STK38: variants seen among roughly 807,000 people sequenced by gnomAD.
STK38 encodes serine/threonine kinase 38.
STK38 carries 26 observed loss-of-function variants against 59.0 expected under a neutral mutation model. The ratio of observed to expected loss-of-function variants is 0.44; its 90% confidence interval spans 0.32 to 0.61. The LOEUF (loss-of-function observed/expected upper bound fraction) is 0.61. STK38 is among the 20% of genes least tolerant of loss of function. STK38 has a pLI of 0.04. For missense variants in STK38, 433 were observed against 566.0 expected, an observed-to-expected ratio of 0.76 and a Z score of 2.38; for synonymous variants, 175 against 176.6, an observed-to-expected ratio of 0.99 and a Z score of 0.07.
intron 1 of STK38, among the ~76,000 whole-genome samples, chr6:36,541,696 TTTTC>T (rs960785485): frequency 4.6e-5 from 7 of 152,184 alleles, no homozygotes; most frequent in Admixed American, 1.3e-4. Context: ...ACGATCTCAA[TTTTC>T]TTTATGTGTT....
chr6:36,531,235 G>A (rs1232937805), intron 2 of STK38, among the ~76,000 whole-genome samples: 1 of 152,150 alleles, frequency 6.6e-6, no homozygotes, highest in East Asian at 1.9e-4. Flanking sequence ...AATCTAAGAG[G>A]AGTTGCAGAA....
chr6:36,527,915 C>A (rs1364180416), intron 2 of STK38, among the ~76,000 whole-genome samples: 1 of 147,426 alleles, frequency 6.8e-6, no homozygotes, highest in Non-Finnish European at 1.5e-5. Context: ...CTGGCTAACA[C>A]AGAGAAACCC....
intron 12 of STK38, among the ~76,000 whole-genome samples, chr6:36,497,056 C>T (rs761833794): frequency 6.6e-6 from 1 of 152,132 alleles, no homozygotes; most frequent in Non-Finnish European, 1.5e-5. Context: ...ATAACTAAAA[C>T]GTGAAGTTAG....
At chr6:36,532,443 G>C (rs1026313627) in intron 2 of STK38, among the ~76,000 whole-genome samples, 5 of 151,782 alleles carry the variant, frequency 3.3e-5, no homozygotes, top group Admixed American at 2.6e-4. Flanking sequence ...TTATTGAGCT[G>C]TATCAGTAAA....
chr6:36,527,207 A>AAAAAAAAAATATATAT (rs60162863), intron 2 of STK38, among the ~76,000 whole-genome samples: 1 of 119,356 alleles, frequency 8.4e-6, no homozygotes, highest in African/African-American at 3.5e-5. Context: ...AAAAAAAAAA[A>AAAAAAAAAATATATAT]ATATATGTAT....
chr6:36,515,095 T>C (rs568061252), intron 7 of STK38, among the ~76,000 whole-genome samples: 1 of 152,030 alleles, frequency 6.6e-6, no homozygotes, highest in African/African-American at 2.4e-5. Flanking sequence ...GCCCTCTACA[T>C]CAATTTTGCT....
chr6:36,527,235 T>A (rs1183782026), intron 2 of STK38, among the ~76,000 whole-genome samples: 1 of 145,166 alleles, frequency 6.9e-6, no homozygotes, highest in South Asian at 2.1e-4. Context: ...TATATTTATA[T>A]GTATATACAC....
Position 36,506,664 on chromosome 6 carries a change from G to A in STK38, c.773-20C>T, listed in dbSNP as rs1776969542. The A allele has an allele frequency of 1.9e-6, 3 of 1,609,574 alleles. No individual in the cohort carries two copies. Among genetic ancestry groups the A allele is most frequent in the Non-Finnish European group, 2.5e-6 (3 of 1,178,738 alleles). ...GGAAAGCTGAAAGTAAAGAATACAA[G>A]CTGCAGTCAAAGTTCAGACCAAAAT... is the stretch of plus-strand genomic sequence containing the variant. On this transcript the variant is annotated intron_variant, in intron 8 of 13. Coordinates refer to ENST00000229812, the MANE Select transcript of STK38 (RefSeq NM_007271.4).
intron 7 of STK38, among the ~76,000 whole-genome samples, chr6:36,513,954 G>A (rs1318217272): frequency 1.3e-5 from 2 of 150,032 alleles, no homozygotes; most frequent in Middle Eastern, 3.2e-3. Context: ...AGGAGATCGA[G>A]ACCATCATGG....
Position 36,531,248 on chromosome 6 carries a change from T to C in STK38, c.132-5606A>G, listed in dbSNP as rs113340914. Among the ~76,000 whole-genome samples, 911 of 152,284 alleles carry C rather than the reference T, an allele frequency of 6.0e-3. 6 individuals carry two copies. Among genetic ancestry groups the C allele is most frequent in the Middle Eastern group, 0.014 (4 of 294 alleles). On this transcript the variant is annotated intron_variant, in intron 2 of 13. Coordinates refer to ENST00000229812, the MANE Select transcript of STK38 (RefSeq NM_007271.4). The stretch of plus-strand genomic sequence containing the variant: ...AAAATCTAAGAGGAGTTGCAGAACA[T>C]AGAAATTCTCAGTAAAATGTATGAA...
chr6:36,521,138 C>T (rs1777366193), intron 5 of STK38, among the ~76,000 whole-genome samples: 1 of 152,044 alleles, frequency 6.6e-6, no homozygotes, highest in South Asian at 2.1e-4. Context: ...GATTTGCAAA[C>T]CAGGTTTTGG....
chr6:36,507,509 T>C lies in STK38; in HGVS notation c.763A>G (p.Ser255Gly). 1.9e-6 allele frequency: 3 copies of C among 1,614,054 alleles called. No homozygotes were observed. The highest frequency in any genetic ancestry group is 1.3e-5 in the African/African-American group (1 of 75,046). Residue 255 changes from serine to glycine, a missense_variant, in exon 8 of 14, where the codon AGT becomes GGT. Ser to Gly is a moderately conservative substitution (Grantham distance 56). Around this residue, in one of 3 missense-constraint regions of STK38, gnomAD observed 293 missense variants for 388.2 expected, o/e 0.75. Coordinates refer to ENST00000229812, the MANE Select transcript of STK38 (RefSeq NM_007271.4). ...AATTGTTACCACTTACTGAAATCAC[T>C]GGGGAGGCTGTGGTTCAGATTCCTA... ...FYRNLNHSLP[S>G]DFTFQNMNSK...
chr6:36,495,667 TACTATG>T lies in STK38; in HGVS notation c.*111_*116del. On this transcript the variant is annotated 3_prime_UTR_variant, in exon 14 of 14. Coordinates refer to ENST00000229812, the MANE Select transcript of STK38 (RefSeq NM_007271.4). ...CTTACTACCACATTTCAGGAGACTT[TACTATG>T]ACATATTGGTGGGTTCCATCAACTT... 7.3e-7 allele frequency: 1 copy of T among 1,364,302 alleles called. No homozygotes were observed. The allele number at this position is 1,364,302 out of a possible 1,614,324, so 84.5% of individuals were successfully genotyped here.
At chr6:36,503,484 T>C (rs1426847262) in intron 9 of STK38, among the ~76,000 whole-genome samples, 1 of 152,074 alleles carries the variant, frequency 6.6e-6, no homozygotes, top group Non-Finnish European at 1.5e-5. Context: ...AATGCAGATA[T>C]TAACACAAAT....
Position 36,547,467 on chromosome 6 carries a change from C to T in STK38, c.-283G>A, listed in dbSNP as rs1287465010. On this transcript the variant is annotated 5_prime_UTR_variant, in exon 1 of 14. Transcript: ENST00000229812. ...ACGGGCTGGCGCGGCAGCCCGGGGCCGAGACTACGCATGCGCGACTTCCCG... is the reference window on the plus strand; with the variant it reads ...ACGGGCTGGCGCGGCAGCCCGGGGCTGAGACTACGCATGCGCGACTTCCCG... 1 of 152,150 alleles carries T rather than the reference C, an allele frequency of 6.6e-6. No homozygotes were observed. Among genetic ancestry groups the T allele is most frequent in the African/African-American group, 2.4e-5 (1 of 41,444 alleles). The allele number at this position is 152,150 out of a possible 1,614,324, so 9.4% of individuals were successfully genotyped here.
intron 5 of STK38, among the ~76,000 whole-genome samples, chr6:36,521,378 C>T (rs775367852): frequency 6.6e-6 from 1 of 151,856 alleles, no homozygotes; most frequent in Non-Finnish European, 1.5e-5. Flanking sequence ...GATATATATA[C>T]AATTTCTATT....
chr6:36,540,234 T>TA (rs769502696), intron 1 of STK38, 27 bp from the exon 2 acceptor site: 1 of 1,612,464 alleles, frequency 6.2e-7, no homozygotes, highest in Non-Finnish European at 8.5e-7. Context: ...GAAGAGGTGT[T>TA]AGATTTGGAG....
chr6:36,502,045 G>A (rs777515418), intron 9 of STK38, among the ~76,000 whole-genome samples: 12 of 152,106 alleles, frequency 7.9e-5, no homozygotes, highest in Non-Finnish European at 1.5e-4. Flanking sequence ...AACCAACCCC[G>A]GTGGGGATTA....
At chr6:36,507,947 T>TTC (rs1037743177) in intron 7 of STK38, among the ~76,000 whole-genome samples, 4 of 149,946 alleles carry the variant, frequency 2.7e-5, no homozygotes, top group African/African-American at 9.9e-5. Flanking sequence ...TTTTTTTTTT[T>TTC]TTTTGAGACA....
Sources: gnomAD v4.1 joint callset for allele counts (sites outside exome capture counted in the v4.1 genomes callset) on GRCh38, gnomAD v4.1.1 for gene constraint, gnomAD v4.1.1 regional missense constraint, MANE v1.5 for transcripts, NCBI Gene and HGNC (gene_info 2026-07-23, HGNC 2026-07-21) for gene names.